Variants in FRAS1 observed in about 807,000 individuals in gnomAD.
The protein encoded by FRAS1 is Fraser extracellular matrix complex subunit 1.
A neutral mutation model predicts 435.2 loss-of-function variants in FRAS1; 290 were observed. That is an observed-to-expected ratio of 0.67 (90% confidence interval 0.61 to 0.73). FRAS1 has a LOEUF of 0.73. Among genes scored for constraint, FRAS1 ranks in the 30% least tolerant of loss-of-function variants. The pLI, the probability that FRAS1 is intolerant of heterozygous loss-of-function variation, is 0.00. For synonymous variants in FRAS1, 1,800 were observed against 1,851.0 expected, an observed-to-expected ratio of 0.97 and a Z score of 0.71; for missense variants, 4,860 against 5,001.5, an observed-to-expected ratio of 0.97 and a Z score of 0.85.
chr4:78,259,569 G>A (rs1248700552), intron 6 of FRAS1, among the ~76,000 whole-genome samples: 2 of 151,362 alleles, frequency 1.3e-5, no homozygotes, highest in Admixed American at 1.3e-4. Flanking sequence ...TTTTTTTCTT[G>A]TAAATTTGTT....
At chr4:78,157,491 G>T (rs1299358968) in intron 2 of FRAS1, among the ~76,000 whole-genome samples, 1 of 152,038 alleles carries the variant, frequency 6.6e-6, no homozygotes, top group African/African-American at 2.4e-5. Context: ...TCTATTTTTT[G>T]ACTTTTTAGT....
rs1248389808 is a variant in FRAS1 at position 78,451,902 on chromosome 4, A to G, written c.6583+11A>G. On this transcript the variant is annotated intron_variant, in intron 46 of 73. Coordinates refer to ENST00000512123, the MANE Select transcript of FRAS1 (RefSeq NM_025074.7). ...CCATCAGCATTCTAGGTAAAGAGAC[A>G]TTTGATTTTCTAATATAAAACTATT... The G allele has an allele frequency of 3.7e-6, 6 of 1,604,332 alleles. No individual in the cohort carries two copies. The highest frequency in any genetic ancestry group is 5.1e-6 in the Non-Finnish European group (6 of 1,175,428).
intron 2 of FRAS1, among the ~76,000 whole-genome samples, chr4:78,222,108 T>C (rs147796791): frequency 3.3e-5 from 5 of 152,150 alleles, no homozygotes; most frequent in African/African-American, 1.2e-4. Context: ...CAATCTGGAC[T>C]ATGTATTAAT....
intron 26 of FRAS1, among the ~76,000 whole-genome samples, chr4:78,378,386 A>G (rs1333180507): frequency 6.6e-6 from 1 of 152,160 alleles, no homozygotes; most frequent in East Asian, 1.9e-4. Context: ...TGCTATGAAC[A>G]TTTGTGTACA....
chr4:78,440,554 T>C (rs1734620686), intron 40 of FRAS1, among the ~76,000 whole-genome samples: 1 of 152,180 alleles, frequency 6.6e-6, no homozygotes, highest in Non-Finnish European at 1.5e-5. Context: ...ATTGTGGGGT[T>C]AGCATACAAA....
Position 78,403,223 on chromosome 4 carries a change from G to T in FRAS1, c.4129+2336G>T, listed in dbSNP as rs1044386713. On this transcript the variant is annotated intron_variant, in intron 30 of 73. Coordinates refer to ENST00000512123, the MANE Select transcript of FRAS1 (RefSeq NM_025074.7). ...AAAAATTAAGCCCCCAAATTTCCTA[G>T]AAACAACCAATATTCCATTAAGTCT... Among the ~76,000 whole-genome samples, 6 of 152,028 alleles carry T rather than the reference G, an allele frequency of 3.9e-5. No homozygotes were observed. The South Asian group carries it at 1.2e-3, about 32-fold the overall frequency.
chr4:78,320,675 C>G (rs757144180), intron 18 of FRAS1, among the ~76,000 whole-genome samples: 55 of 152,094 alleles, frequency 3.6e-4, no homozygotes, highest in Non-Finnish European at 4.3e-4. Context: ...CTCTCTCTCT[C>G]TCTCTCCCGC....
chr4:78,247,945 C>G (rs1303673154), intron 4 of FRAS1, among the ~76,000 whole-genome samples: 1 of 152,056 alleles, frequency 6.6e-6, no homozygotes, highest in African/African-American at 2.4e-5. Context: ...ATACTGTCCC[C>G]GGAGAATATG....
intron 14 of FRAS1, among the ~76,000 whole-genome samples, chr4:78,298,030 C>CTCTCTATA (rs1253600018): frequency 2.1e-4 from 22 of 104,076 alleles, no homozygotes; most frequent in African/African-American, 6.7e-4. Context: ...CTCTCTCTCT[C>CTCTCTATA]TATATATATA....
In FRAS1 at chr4:78,318,847, A is replaced by G; in HGVS notation, c.1998A>G (p.Ala666=). The change falls in exon 18 of 74, where the codon GCA becomes GCG. Residue 666 remains alanine, a synonymous_variant. Transcript: ENST00000512123. The part of the protein sequence containing the change: ...HSSCLACMGP[A]PSHCTGCKKP... The stretch of plus-strand genomic sequence containing the variant: ...CCTGCCTGGCTTGTATGGGTCCCGC[A>G]CCCTCTCACTGTACTGGGTGTAAGA... 1.2e-6 allele frequency: 2 copies of G among 1,612,668 alleles called. No individual in the cohort carries two copies. Among genetic ancestry groups the G allele is most frequent in the African/African-American group, 1.3e-5 (1 of 74,958 alleles).
intron 55 of FRAS1, among the ~76,000 whole-genome samples, chr4:78,478,361 C>T (rs1287540016): frequency 6.6e-6 from 1 of 152,166 alleles, no homozygotes; most frequent in East Asian, 1.9e-4. Flanking sequence ...TAATCAATCA[C>T]CCAATCCATA....
At chr4:78,097,346 C>G (rs1487226235) in intron 2 of FRAS1, among the ~76,000 whole-genome samples, 1 of 152,192 alleles carries the variant, frequency 6.6e-6, no homozygotes, top group Non-Finnish European at 1.5e-5. Context: ...CTGTTCCAAC[C>G]TCTGCCTGTT....
chr4:78,414,750 T>A (rs909056636), intron 32 of FRAS1, among the ~76,000 whole-genome samples: 3 of 152,222 alleles, frequency 2.0e-5, no homozygotes, highest in Non-Finnish European at 2.9e-5. Flanking sequence ...TCATAAACAC[T>A]TTTGAGCTCC....
At chr4:78,249,085 A>G (rs1725408201) in intron 4 of FRAS1, among the ~76,000 whole-genome samples, 1 of 127,984 alleles carries the variant, frequency 7.8e-6, no homozygotes, top group African/African-American at 2.8e-5. Context: ...ATATATATAT[A>G]TGCATGTGCT....
intron 55 of FRAS1, among the ~76,000 whole-genome samples, chr4:78,478,888 G>A (rs1395741717): frequency 1.3e-5 from 2 of 152,194 alleles, no homozygotes; most frequent in African/African-American, 2.4e-5. Flanking sequence ...GCCCTAATAA[G>A]TAAAGTCATT....
intron 38 of FRAS1, among the ~76,000 whole-genome samples, chr4:78,436,619 G>A (rs1421350418): frequency 2.6e-5 from 4 of 151,906 alleles, no homozygotes; most frequent in African/African-American, 7.3e-5. Flanking sequence ...GAATATTAGC[G>A]AACCTAAAGA....
At position 78,267,350 on chromosome 4, in the gene FRAS1, G is replaced by A. The variant is rs555380960; in HGVS notation, c.899G>A (p.Gly300Asp). 2 of 1,613,860 alleles carry A rather than the reference G, an allele frequency of 1.2e-6. No individual in the cohort carries two copies. Among genetic ancestry groups the A allele is most frequent in the South Asian group, 2.2e-5 (2 of 91,010 alleles). The part of the protein sequence containing the change: ...VVRYQDEMWK[G>D]SACEFCMCDH... ...CGGTACCAGGACGAAATGTGGAAGG[G>A]CTCGGCCTGTGAGTTCTGCATGTGT... Residue 300 changes from glycine to aspartate, a missense_variant, in exon 9 of 74, where the codon GGC becomes GAC. Coordinates refer to ENST00000512123, the MANE Select transcript of FRAS1 (RefSeq NM_025074.7).
chr4:78,231,971 T>C (rs1724535493), intron 2 of FRAS1, among the ~76,000 whole-genome samples: 1 of 152,194 alleles, frequency 6.6e-6, no homozygotes, highest in Non-Finnish European at 1.5e-5. Context: ...TTTAAGAGTA[T>C]TTCTTTTGCT....
chr4:78,286,379 C>G (rs373295086), intron 13 of FRAS1, 26 bp from the exon 14 acceptor site: 53 of 1,612,476 alleles, frequency 3.3e-5, no homozygotes, highest in Non-Finnish European at 4.4e-5. Context: ...GTTCCTTTCT[C>G]TTTCTTCAAC....
Sources: gnomAD v4.1 joint callset for allele counts (sites outside exome capture counted in the v4.1 genomes callset) on GRCh38, gnomAD v4.1.1 for gene constraint, MANE v1.5 for transcripts, NCBI Gene and HGNC (gene_info 2026-07-23, HGNC 2026-07-21) for gene names.